The following TOMM20 variants were observed in gnomAD, a reference collection of about 807,000 sequenced individuals.
TOMM20 encodes the protein mitochondrial import receptor subunit TOM20 homolog.
TOMM20 carries 10 observed loss-of-function variants against 22.1 expected under a neutral mutation model. That is an observed-to-expected ratio of 0.45 (90% confidence interval 0.28 to 0.77). The LOEUF (loss-of-function observed/expected upper bound fraction) is 0.77, where lower values mean the gene tolerates loss of function less well. TOMM20 is among the 30% of genes least tolerant of loss of function. The pLI, the probability that TOMM20 is intolerant of heterozygous loss-of-function variation, is 0.13. For synonymous variants in TOMM20, 55 were observed against 61.4 expected (o/e 0.90, Z 0.49); for missense variants, 121 against 172.2 (o/e 0.70, Z 1.66).
At chr1:235,116,904 G>A (rs1296664474) in intron 3 of TOMM20, among the ~76,000 whole-genome samples, 1 of 152,066 alleles carries the variant, frequency 6.6e-6, no homozygotes, top group Non-Finnish European at 1.5e-5. Flanking sequence ...GGGAGGCCAA[G>A]GCGGGCGGAT....
chr1:235,127,385 A>G (rs1036843201), intron 1 of TOMM20, among the ~76,000 whole-genome samples: 1 of 152,252 alleles, frequency 6.6e-6, no homozygotes, highest in African/African-American at 2.4e-5. Flanking sequence ...AATGTAAAAC[A>G]GTATTCTATT....
chr1:235,127,840 G>A (rs1661052559), intron 1 of TOMM20: 1 of 518,960 alleles, frequency 1.9e-6, no homozygotes, highest in South Asian at 1.4e-5. Context: ...AGCCACGGGA[G>A]AAGCGCAGCC....
chr1:235,113,513 G>C (rs988791568), intron 4 of TOMM20, among the ~76,000 whole-genome samples: 24 of 152,152 alleles, frequency 1.6e-4, no homozygotes, highest in African/African-American at 5.3e-4. Context: ...TTGGACAGTT[G>C]ACTACTAAGA....
chr1:235,128,266 G>A (rs1275305338), intron 1 of TOMM20, among the ~76,000 whole-genome samples: 1 of 152,246 alleles, frequency 6.6e-6, no homozygotes, highest in Non-Finnish European at 1.5e-5. Flanking sequence ...TTTTAGTTAA[G>A]AGTAGAGGTT....
chr1:235,110,929 CTT>C lies in TOMM20; in HGVS notation c.*1133_*1134del, dbSNP rs1236491442. 6.6e-6 allele frequency: 1 copy of C among 152,200 alleles called. No individual in the cohort carries two copies. The highest frequency in any genetic ancestry group is 2.4e-5 in the African/African-American group (1 of 41,444). The allele number at this position is 152,200 out of a possible 1,614,324, so 9.4% of individuals were successfully genotyped here. ...AATAAGAGGTCCCACCTGCTCCACTCTTTTCAAGTTTTCAGTCACAAGGTTGC... is the reference window on the plus strand; with the variant it reads ...AATAAGAGGTCCCACCTGCTCCACTCTTCAAGTTTTCAGTCACAAGGTTGC... On this transcript the variant is annotated 3_prime_UTR_variant, in exon 5 of 5. Coordinates refer to ENST00000366607, the MANE Select transcript of TOMM20 (RefSeq NM_014765.3).
chr1:235,123,433 A>G (rs969091996), intron 1 of TOMM20, among the ~76,000 whole-genome samples: 7 of 152,168 alleles, frequency 4.6e-5, no homozygotes, highest in African/African-American at 1.7e-4. Flanking sequence ...TGCAGTGAGC[A>G]GAGACTGTGC....
chr1:235,120,947 A>C (rs1163988812), intron 2 of TOMM20, among the ~76,000 whole-genome samples: 1 of 151,774 alleles, frequency 6.6e-6, no homozygotes, highest in Non-Finnish European at 1.5e-5. Context: ...CATGCCTGTA[A>C]TCCCAGCACA....
At chr1:235,123,779 A>G (rs1444969692) in intron 1 of TOMM20, among the ~76,000 whole-genome samples, 1 of 152,264 alleles carries the variant, frequency 6.6e-6, no homozygotes, top group Non-Finnish European at 1.5e-5. Context: ...GATAAAGAAC[A>G]TAATTCAACC....
At chr1:235,124,356 C>A (rs559588331) in intron 1 of TOMM20, among the ~76,000 whole-genome samples, 34 of 152,180 alleles carry the variant, frequency 2.2e-4, no homozygotes, top group African/African-American at 7.7e-4. Flanking sequence ...CAAACAAAAA[C>A]AAAAAACAAA....
intron 3 of TOMM20, among the ~76,000 whole-genome samples, chr1:235,116,908 G>C (rs1282881515): frequency 1.3e-5 from 2 of 151,908 alleles, no homozygotes; most frequent in African/African-American, 4.8e-5. Context: ...GGCCAAGGCG[G>C]GCGGATCACA....
At chr1:235,128,211 G>C (rs1017135898) in intron 1 of TOMM20, among the ~76,000 whole-genome samples, 1 of 152,212 alleles carries the variant, frequency 6.6e-6, no homozygotes, top group Non-Finnish European at 1.5e-5. Context: ...CACTGAGCAT[G>C]CGGATTTAGC....
intron 1 of TOMM20, among the ~76,000 whole-genome samples, chr1:235,126,876 T>C (rs1661032663): frequency 6.6e-6 from 1 of 152,202 alleles, no homozygotes; most frequent in South Asian, 2.1e-4. Context: ...CTCTACACTA[T>C]ACCATTTTAC....
At chr1:235,122,915 A>C (rs934068268) in intron 1 of TOMM20, among the ~76,000 whole-genome samples, 1 of 152,200 alleles carries the variant, frequency 6.6e-6, no homozygotes, top group African/African-American at 2.4e-5. Context: ...GGAACCAGTC[A>C]CTCAAGGATA....
intron 1 of TOMM20, 35 bp from the exon 2 acceptor site, chr1:235,122,407 C>A: frequency 6.4e-7 from 1 of 1,561,092 alleles, no homozygotes; most frequent in Non-Finnish European, 8.6e-7. Context: ...TACATTTTGT[C>A]ATTATAAAAA....
At chr1:235,125,246 G>GCTTTGTCT in intron 1 of TOMM20, among the ~76,000 whole-genome samples, 1 of 151,868 alleles carries the variant, frequency 6.6e-6, no homozygotes, top group East Asian at 1.9e-4. Context: ...ACGGAGTCTC[G>GCTTTGTCT]CTTTGTCGCC....
chr1:235,126,096 G>C (rs1011435775), intron 1 of TOMM20, among the ~76,000 whole-genome samples: 7 of 150,458 alleles, frequency 4.7e-5, no homozygotes, highest in African/African-American at 2.5e-5. Context: ...GATAAAGATA[G>C]ATAGATATAG....
chr1:235,118,251 C>T (rs1052052588), intron 3 of TOMM20, among the ~76,000 whole-genome samples: 26 of 152,298 alleles, frequency 1.7e-4, no homozygotes, highest in South Asian at 8.3e-4. Flanking sequence ...GCCAGATCGT[C>T]GTAAGTGGTA....
In TOMM20 at chr1:235,113,858, T is replaced by A; in HGVS notation, c.303A>T (p.Gly101=). Residue 101 remains glycine, a synonymous_variant, in exon 4 of 5, where the codon GGA becomes GGT. Coordinates refer to ENST00000366607, the MANE Select transcript of TOMM20 (RefSeq NM_014765.3). ...DHLTNAIAVC[G]QPQQLLQVLQ... is the part of the protein sequence containing the mutation. Reference sequence around the variant, plus strand: ...AGACCTGCAGTAACTGCTGTGGCTGTCCACACACAGCAATTGCATTTGTCA... The same window carrying A: ...AGACCTGCAGTAACTGCTGTGGCTGACCACACACAGCAATTGCATTTGTCA... The A allele has an allele frequency of 6.2e-7, 1 of 1,613,704 alleles. No homozygotes were observed.
chr1:235,109,937 C>A lies in TOMM20; in HGVS notation c.*2127G>T, dbSNP rs1186574129. On this transcript the variant is annotated 3_prime_UTR_variant, in exon 5 of 5. Coordinates refer to ENST00000366607, the MANE Select transcript of TOMM20 (RefSeq NM_014765.3). The stretch of plus-strand genomic sequence containing the variant: ...TCACTACAACAAGCTGATTACATCA[C>A]CTTGTAAAACTTAAGATGGGGATGA... 6.6e-6 allele frequency: 1 copy of A among 152,140 alleles called. No individual in the cohort carries two copies. Among genetic ancestry groups the A allele is most frequent in the Non-Finnish European group, 1.5e-5 (1 of 68,036 alleles). 9.4% of individuals were successfully genotyped at this position (152,140 alleles called of 1,614,324 possible). A position where few individuals can be genotyped will look rare whatever the true frequency, so the allele number is the denominator to read the frequency against.
Sources: gnomAD v4.1 joint callset for allele counts (sites outside exome capture counted in the v4.1 genomes callset) on GRCh38, gnomAD v4.1.1 for gene constraint, MANE v1.5 for transcripts, NCBI Gene and HGNC (gene_info 2026-07-23, HGNC 2026-07-21) for gene names.